Variants in CER1 observed in about 807,000 individuals in gnomAD.
CER1 encodes cerberus.
Under a neutral mutation model 11.8 loss-of-function variants are expected in CER1, and 10 were observed. That is an observed-to-expected ratio of 0.85 (90% CI 0.52 to 1.44). The LOEUF is 1.44. Among genes scored for constraint, CER1 ranks in the 40% most tolerant of loss-of-function variants. The pLI is 0.00. For missense variants in CER1, 431 were observed against 327.0 expected, an observed-to-expected ratio of 1.32 and a Z score of -2.45; for synonymous variants, 141 against 122.3, an observed-to-expected ratio of 1.15 and a Z score of -1.01.
At position 14,722,258 on chromosome 9, in the gene CER1, A is replaced by T. The variant is rs757068724; in HGVS notation, c.415T>A (p.Phe139Ile). ...CCCTGAGAAGCCGGAGTTTTTCTGA[A>T]CATGAAGTGGTGCCAGAATTTCTTG... ...EAKKFWHHFM[F>I]RKTPASQGVI... Residue 139 changes from phenylalanine (F) to isoleucine (I), a missense_variant, in exon 1 of 2, where the codon TTC (phenylalanine) becomes ATC (isoleucine). Transcript: ENST00000380911. 6.2e-7 allele frequency: 1 copy of T among 1,614,210 alleles called. No individual in the cohort carries two copies. Among genetic ancestry groups the T allele is most frequent in the East Asian group, 2.2e-5 (1 of 44,882 alleles).
intron 1 of CER1, among the ~76,000 whole-genome samples, chr9:14,720,854 G>C (rs766543415): frequency 9.9e-5 from 15 of 152,246 alleles, no homozygotes; most frequent in Non-Finnish European, 2.1e-4. Context: ...TGCAAGACCT[G>C]TAGTACATTC....
chr9:14,722,514 C>G lies in CER1; in HGVS notation c.159G>C (p.Lys53Asn). The G allele has an allele frequency of 6.2e-7, 1 of 1,614,236 alleles. No homozygotes were observed. The highest frequency in any genetic ancestry group is 8.5e-7 in the Non-Finnish European group (1 of 1,180,050). The change falls in exon 1 of 2, where the codon AAG becomes AAC. Residue 53 changes from lysine (K) to asparagine (N), a missense_variant. By Grantham distance (94) the Lys-to-Asn change is moderately conservative. Transcript: ENST00000380911. ...GTGGCACTGCGACAAACAGATCTGG[C>G]TTCTCCTCAGCTTCCTCATGGTTGC... ...PTGNHEEAEE[K>N]PDLFVAVPHL...
chr9:14,719,344 G>A (rs143987269), downstream of CER1, among the ~76,000 whole-genome samples: 844 of 152,230 alleles, frequency 5.5e-3, 7 homozygotes, highest in Non-Finnish European at 9.2e-3. Context: ...CTGACATTAA[G>A]TACTTTATAT....
Position 14,722,369 on chromosome 9 carries a change from T to G in CER1, c.304A>C (p.Ser102Arg). 6.2e-7 allele frequency: 1 copy of G among 1,614,220 alleles called. No individual in the cohort carries two copies. Among genetic ancestry groups the G allele is most frequent in the Non-Finnish European group, 8.5e-7 (1 of 1,180,032 alleles). ...TGGGTCCCAGGTGGGAAGGGCTCAC[T>G]ATCTGAGTCCCTGGATGGATGCATT... ...REMHPSRDSD[S>R]EPFPPGTQSL... The change falls in exon 1 of 2, where the codon AGT becomes CGT. Residue 102 changes from serine (S) to arginine (R), a missense_variant. Physicochemically the swap from Ser to Arg is moderately radical, Grantham distance 110. Transcript: ENST00000380911.
chr9:14,720,905 T>A (rs1419413404), intron 1 of CER1, among the ~76,000 whole-genome samples: 3 of 152,200 alleles, frequency 2.0e-5, no homozygotes. Flanking sequence ...ACAATGCATA[T>A]GCCTGCAAAT....
downstream of CER1, among the ~76,000 whole-genome samples, chr9:14,719,264 A>G (rs996954788): frequency 1.2e-4 from 18 of 152,078 alleles, no homozygotes; most frequent in East Asian, 9.7e-4. Flanking sequence ...TTTGGCTACC[A>G]GTGATTGTTC....
chr9:14,722,067 G>C, intron 1 of CER1, 99 bp downstream of exon 1: 15 of 1,349,688 alleles, frequency 1.1e-5, no homozygotes, highest in East Asian at 2.3e-5. Context: ...AGTTAAGCTA[G>C]AGTCAGGCTC....
At chr9:14,718,869 T>C (rs958824073), downstream of CER1, among the ~76,000 whole-genome samples, 1 of 152,172 alleles carries the variant, frequency 6.6e-6, no homozygotes, top group Non-Finnish European at 1.5e-5. Context: ...CATAAGTCTA[T>C]GAAGACATTC....
At chr9:14,720,678 T>C (rs1187938937) in intron 1 of CER1, among the ~76,000 whole-genome samples, 1 of 152,222 alleles carries the variant, frequency 6.6e-6, no homozygotes, top group Non-Finnish European at 1.5e-5. Context: ...TTTGTCTAAT[T>C]GGATGTGAGC....
At position 14,722,555 on chromosome 9, in the gene CER1, T is replaced by C. The variant is rs1840030193; in HGVS notation, c.118A>G (p.Arg40Gly). Reference protein sequence around the residue: ...LSPVLLPRNQRELPTGNHEEA... With the variant: ...LSPVLLPRNQGELPTGNHEEA... Reference sequence around the variant, plus strand: ...TCATGGTTGCCTGTGGGAAGCTCTCTTTGATTCCTTGGCAGGAGTACGGGG... The same window carrying C: ...TCATGGTTGCCTGTGGGAAGCTCTCCTTGATTCCTTGGCAGGAGTACGGGG... Residue 40 changes from arginine (R) to glycine (G), a missense_variant, in exon 1 of 2, where the codon AGA becomes GGA. Physicochemically the swap from Arg to Gly is moderately radical, Grantham distance 125. Transcript: ENST00000380911. The C allele has an allele frequency of 6.2e-7, 1 of 1,614,030 alleles. No individual in the cohort carries two copies. Among genetic ancestry groups the C allele is most frequent in the Admixed American group, 1.7e-5 (1 of 60,010 alleles).
Position 14,722,396 on chromosome 9 carries a change from C to T in CER1, c.277G>A (p.Glu93Lys). 1 of 1,614,218 alleles carries T rather than the reference C, an allele frequency of 6.2e-7. No individual in the cohort carries two copies. The highest frequency in any genetic ancestry group is 1.3e-5 in the African/African-American group (1 of 75,054). ...TCTGAGTCCCTGGATGGATGCATTT[C>T]TCTCTCAGGCTTCTTCCAGAACCTG... Reference protein sequence around the residue: ...FGRFWKKPEREMHPSRDSDSE... With the variant: ...FGRFWKKPERKMHPSRDSDSE... The change falls in exon 1 of 2, where the codon GAA (glutamate) becomes AAA (lysine). Residue 93 changes from glutamate (E) to lysine (K), a missense_variant. Glu to Lys is a moderately conservative substitution (Grantham distance 56). Coordinates refer to ENST00000380911, the MANE Select transcript of CER1 (RefSeq NM_005454.3).
At chr9:14,720,809 G>T (rs1214129780) in intron 1 of CER1, among the ~76,000 whole-genome samples, 1 of 152,126 alleles carries the variant, frequency 6.6e-6, no homozygotes, top group African/African-American at 2.4e-5. Flanking sequence ...TCGTAGAATA[G>T]ATCAGAACAT....
chr9:14,719,990 C>T lies in CER1; in HGVS notation c.*100G>A, dbSNP rs1273566164. 3 of 1,089,236 alleles carry T rather than the reference C, an allele frequency of 2.8e-6. No individual in the cohort carries two copies. Among genetic ancestry groups the T allele is most frequent in the African/African-American group, 3.1e-5 (2 of 64,104 alleles). 67.5% of individuals were successfully genotyped at this position (1,089,236 alleles called of 1,614,324 possible). A position where few individuals can be genotyped will look rare whatever the true frequency, so the allele number is the denominator to read the frequency against. On this transcript the variant is annotated 3_prime_UTR_variant, in exon 2 of 2. Coordinates refer to ENST00000380911, the MANE Select transcript of CER1 (RefSeq NM_005454.3). ...TAAAACTACGTTTCAAGTCACCTTTCCCTGAAAATGTTATGTACCCACTTA... is the reference window on the plus strand; with the variant it reads ...TAAAACTACGTTTCAAGTCACCTTTTCCTGAAAATGTTATGTACCCACTTA...
chr9:14,718,982 A>AGAAGCTATCATTTTAGCATATCAGAATG (rs529335709), downstream of CER1, among the ~76,000 whole-genome samples: 106 of 152,340 alleles, frequency 7.0e-4, no homozygotes, highest in African/African-American at 2.5e-3. Context: ...TGCTTCATAT[A>AGAAGCTATCATTTTAGCATATCAGAATG]CTAAAATTTA....
downstream of CER1, among the ~76,000 whole-genome samples, chr9:14,717,907 T>C (rs1008856933): frequency 9.2e-5 from 14 of 152,192 alleles, no homozygotes; most frequent in African/African-American, 3.1e-4. Flanking sequence ...TTATATAGTT[T>C]TTGTGAGGAT....
intron 1 of CER1, 105 bp from the exon 2 acceptor site, chr9:14,720,491 A>G: frequency 8.5e-7 from 1 of 1,183,370 alleles, no homozygotes; most frequent in Non-Finnish European, 1.2e-6. Context: ...AAAAATTTCA[A>G]AGCTTTCCAA....
Position 14,722,587 on chromosome 9 carries a change from G to C in CER1, c.86C>G (p.Ser29Cys), listed in dbSNP as rs1028028086. The stretch of plus-strand genomic sequence containing the variant: ...CCTTGGCAGGAGTACGGGGGAAAGA[G>C]AACTCTGATTCTGGCGGCCATCCTG... Reference protein sequence around the residue: ...RHQDGRQNQSSLSPVLLPRNQ... With the variant: ...RHQDGRQNQSCLSPVLLPRNQ... Residue 29 changes from serine to cysteine, a missense_variant, in exon 1 of 2, where the codon TCT (serine) becomes TGT (cysteine). Coordinates refer to ENST00000380911, the MANE Select transcript of CER1 (RefSeq NM_005454.3). 6.2e-7 allele frequency: 1 copy of C among 1,612,802 alleles called. No homozygotes were observed.
At chr9:14,719,459 A>C (rs1055475248), downstream of CER1, among the ~76,000 whole-genome samples, 2 of 152,124 alleles carry the variant, frequency 1.3e-5, no homozygotes, top group Non-Finnish European at 2.9e-5. Context: ...TTGGGTTGCA[A>C]AAGTAACTAT....
chr9:14,718,091 G>C (rs914980726), downstream of CER1, among the ~76,000 whole-genome samples: 5 of 152,124 alleles, frequency 3.3e-5, no homozygotes, highest in Non-Finnish European at 7.4e-5. Context: ...TGAATTTCAT[G>C]CAATTATTCT....
Sources: allele counts gnomAD v4.1 joint callset (sites outside exome capture counted in the v4.1 genomes callset), GRCh38; gene constraint gnomAD v4.1.1; transcripts MANE v1.5; gene names NCBI Gene and HGNC (gene_info 2026-07-23, HGNC 2026-07-21).